Variants in TNNI3K observed in about 807,000 individuals in gnomAD.
The protein encoded by TNNI3K is serine/threonine-protein kinase TNNI3K.
A neutral mutation model predicts 114.5 loss-of-function variants in TNNI3K; 140 were observed. That is an observed-to-expected ratio of 1.22 (90% CI 1.07 to 1.41). The LOEUF (loss-of-function observed/expected upper bound fraction) is 1.41. TNNI3K is among the 40% of genes most tolerant of loss of function. The pLI, the probability that TNNI3K is intolerant of heterozygous loss-of-function variation, is 0.00. For missense variants in TNNI3K, 1,125 were observed against 1,007.6 expected (o/e 1.12, Z -1.58); for synonymous variants, 347 against 347.5 (o/e 1.00, Z 0.02).
rs776665374 is a variant in TNNI3K at position 74,439,606 on chromosome 1, C to T, written c.1995C>T (p.Phe665=). ...AAATTCTCACTGGCGAAATTCCATT[C>T]GCTCATCTCAAGCCAGGTAAGACAC... ...LWEILTGEIP[F]AHLKPAAAAA... Residue 665 remains phenylalanine (F), a synonymous_variant, in exon 20 of 25, where the codon TTC becomes TTT. Coordinates refer to ENST00000326637, the MANE Select transcript of TNNI3K (RefSeq NM_015978.3). 9 of 1,613,370 alleles carry T rather than the reference C, an allele frequency of 5.6e-6. No homozygotes were observed. The highest frequency in any genetic ancestry group is 7.6e-6 in the Non-Finnish European group (9 of 1,179,564).
chr1:74,300,253 A>T (rs1658240065), intron 5 of TNNI3K, among the ~76,000 whole-genome samples: 1 of 152,128 alleles, frequency 6.6e-6, no homozygotes, highest in Non-Finnish European at 1.5e-5. Flanking sequence ...GGACCACACG[A>T]TTTGTTTTTC....
chr1:74,475,361 G>A, intron 21 of TNNI3K: 2 of 715,910 alleles, frequency 2.8e-6, no homozygotes, highest in Non-Finnish European at 5.2e-6. Flanking sequence ...AGATTCCATA[G>A]CTTTTGAACT....
At chr1:74,437,184 G>A (rs1001307090) in intron 19 of TNNI3K, among the ~76,000 whole-genome samples, 1 of 151,772 alleles carries the variant, frequency 6.6e-6, no homozygotes, top group Non-Finnish European at 1.5e-5. Flanking sequence ...ACCTTTTCTG[G>A]ATGTCTCTTT....
chr1:74,477,669 T>C (rs927678518), intron 21 of TNNI3K, among the ~76,000 whole-genome samples: 2 of 152,172 alleles, frequency 1.3e-5, no homozygotes, highest in African/African-American at 4.8e-5. Context: ...ACCCACTCAC[T>C]CCCCTGCTCT....
chr1:74,436,471 C>T lies in TNNI3K; in HGVS notation c.1826-3C>T. 1.3e-6 allele frequency: 2 copies of T among 1,576,542 alleles called. No homozygotes were observed. Among genetic ancestry groups the T allele is most frequent in the Non-Finnish European group, 8.5e-7 (1 of 1,170,020 alleles). On this transcript the variant is annotated splice_region_variant and splice_polypyrimidine_tract_variant and intron_variant, in intron 18 of 24. Coordinates refer to ENST00000326637, the MANE Select transcript of TNNI3K (RefSeq NM_015978.3). The stretch of plus-strand genomic sequence containing the variant: ...GACGTGATTTATTTTCTCTTTCCCT[C>T]AGAATCAAGATTTCTACAGTCTCTG...
At chr1:74,359,577 A>G (rs796590432) in intron 11 of TNNI3K, among the ~76,000 whole-genome samples, 8 of 152,136 alleles carry the variant, frequency 5.3e-5, no homozygotes, top group African/African-American at 1.9e-4. Context: ...TAAGCCTCAG[A>G]ACTGAAGCAA....
intron 7 of TNNI3K, 112 bp from the exon 8 acceptor site, chr1:74,342,730 C>G: frequency 8.8e-6 from 12 of 1,356,274 alleles, no homozygotes; most frequent in Non-Finnish European, 1.2e-5. Flanking sequence ...CATTAACTGG[C>G]AATTTCCAGG....
intron 21 of TNNI3K, chr1:74,464,512 C>T (rs1667584411): frequency 7.1e-7 from 1 of 1,411,682 alleles, no homozygotes; most frequent in African/African-American, 1.4e-5. Flanking sequence ...CACTTTATAG[C>T]TCTTCAACAA....
intron 24 of TNNI3K, among the ~76,000 whole-genome samples, chr1:74,540,960 C>G (rs1646720090): frequency 6.6e-6 from 1 of 152,128 alleles, no homozygotes; most frequent in African/African-American, 2.4e-5. Context: ...GGACAATTGC[C>G]TTTATCATCA....
intron 2 of TNNI3K, 84 bp from the exon 3 acceptor site, chr1:74,249,375 C>T: frequency 2.2e-6 from 3 of 1,362,656 alleles, no homozygotes; most frequent in Non-Finnish European, 3.0e-6. Context: ...TTGATAGTAA[C>T]AGGATTTGCA....
chr1:74,343,953 A>G (rs545688206), intron 9 of TNNI3K, among the ~76,000 whole-genome samples: 8 of 152,328 alleles, frequency 5.3e-5, no homozygotes, highest in Non-Finnish European at 1.0e-4. Flanking sequence ...AGTAATTTAT[A>G]TTTAGTAGAT....
At chr1:74,303,357 G>A (rs1194619529) in intron 5 of TNNI3K, among the ~76,000 whole-genome samples, 1 of 151,926 alleles carries the variant, frequency 6.6e-6, no homozygotes, top group Non-Finnish European at 1.5e-5. Context: ...TAGAGACAGG[G>A]TTTCGCTATG....
chr1:74,435,238 A>G (rs1160405993), intron 17 of TNNI3K, among the ~76,000 whole-genome samples: 1 of 152,018 alleles, frequency 6.6e-6, no homozygotes, highest in East Asian at 1.9e-4. Context: ...CTCTCTTTGG[A>G]CTATCTCAGC....
intron 5 of TNNI3K, among the ~76,000 whole-genome samples, chr1:74,294,507 A>G (rs567815405): frequency 1.4e-4 from 22 of 152,218 alleles, no homozygotes; most frequent in African/African-American, 5.3e-4. Context: ...TCATGCAAGT[A>G]GCTTAAAATT....
chr1:74,266,192 C>T (rs1039259288), intron 4 of TNNI3K, among the ~76,000 whole-genome samples: 1 of 151,986 alleles, frequency 6.6e-6, no homozygotes, highest in African/African-American at 2.4e-5. Flanking sequence ...TATTCATCAG[C>T]TGGTAGCTTG....
At chr1:74,352,797 G>A (rs1323077661) in intron 9 of TNNI3K, among the ~76,000 whole-genome samples, 4 of 152,002 alleles carry the variant, frequency 2.6e-5, no homozygotes, top group Admixed American at 6.6e-5. Flanking sequence ...CTGGTGTGCC[G>A]TTTGTTAAGC....
At chr1:74,394,993 G>A (rs1210134891) in intron 17 of TNNI3K, among the ~76,000 whole-genome samples, 9 of 150,998 alleles carry the variant, frequency 6.0e-5, no homozygotes, top group Admixed American at 3.3e-4. Context: ...GCAGTGAGCC[G>A]AGATCGCGCC....
chr1:74,474,300 A>G (rs553704744), intron 21 of TNNI3K, among the ~76,000 whole-genome samples: 4 of 152,264 alleles, frequency 2.6e-5, no homozygotes, highest in African/African-American at 9.6e-5. Context: ...CCTGGTTTCT[A>G]TGGCATATGT....
chr1:74,542,544 G>A (rs1367422584), intron 24 of TNNI3K, among the ~76,000 whole-genome samples: 2 of 152,192 alleles, frequency 1.3e-5, no homozygotes, highest in African/African-American at 4.8e-5. Context: ...CAAAAGAGGT[G>A]AGTGAGAGAG....
Sources: gnomAD v4.1 joint callset for allele counts (sites outside exome capture counted in the v4.1 genomes callset) on GRCh38, gnomAD v4.1.1 for gene constraint, MANE v1.5 for transcripts, NCBI Gene and HGNC (gene_info 2026-07-23, HGNC 2026-07-21) for gene names.